Variants in CNTNAP2 observed in about 807,000 individuals in gnomAD.
The protein encoded by CNTNAP2 is contactin-associated protein-like 2.
Under a neutral mutation model 155.2 loss-of-function variants are expected in CNTNAP2, and 98 were observed. The observed-to-expected ratio is 0.63, with a 90% CI of 0.54 to 0.75. CNTNAP2 has a LOEUF of 0.75. CNTNAP2 is among the 30% of genes least tolerant of loss of function. CNTNAP2 has a pLI of 0.00. For missense variants in CNTNAP2, 1,727 were observed against 1,688.1 expected (o/e 1.02, Z -0.40); for synonymous variants, 651 against 631.2 (o/e 1.03, Z -0.47).
chr7:147,347,435 TATATGC>T (rs1184879354), intron 9 of CNTNAP2, among the ~76,000 whole-genome samples: 1,873 of 34,118 alleles, frequency 0.055, 24 homozygotes, highest in African/African-American at 0.075. Flanking sequence ...TATATATATA[TATATGC>T]ATATATATAT....
intron 4 of CNTNAP2, among the ~76,000 whole-genome samples, chr7:147,052,103 A>G (rs1046492537): frequency 6.6e-6 from 1 of 152,094 alleles, no homozygotes; most frequent in Non-Finnish European, 1.5e-5. Context: ...AATCTTTTTT[A>G]TCTTTCAAGA....
In CNTNAP2 at chr7:147,591,586, T is replaced by A. The variant is rs561476844; in HGVS notation, c.1897+29329T>A. ...TCCTCTGCTTTTATTGCTACCACCT[T>A]ACCATTTCCTTCCCTTTTTTATTTA... On this transcript the variant is annotated intron_variant, in intron 12 of 23. Transcript: ENST00000361727. Among the ~76,000 whole-genome samples, 40 of 152,306 alleles carry A rather than the reference T, an allele frequency of 2.6e-4. 1 individual carries two copies. The South Asian group carries it at 7.9e-3, about 30-fold the overall frequency.
rs565330938 is a variant in CNTNAP2 at position 148,018,295 on chromosome 7, G to A, written c.2383+40306G>A. On this transcript the variant is annotated intron_variant, in intron 15 of 23. Coordinates refer to ENST00000361727, the MANE Select transcript of CNTNAP2 (RefSeq NM_014141.6). ...ACTCTGTAAATATGGGCTGATAATA[G>A]TAATGGTCAAGCTCCCATAATTTCT... Among the ~76,000 whole-genome samples the A allele has an allele frequency of 2.0e-4, 30 of 152,262 alleles. No homozygotes were observed. In the South Asian group the frequency reaches 6.2e-3, roughly 32 times the overall value.
intron 1 of CNTNAP2, among the ~76,000 whole-genome samples, chr7:146,594,814 G>C (rs925680887): frequency 2.0e-5 from 3 of 151,930 alleles, no homozygotes; most frequent in African/African-American, 7.3e-5. Context: ...TTAATGACTG[G>C]CTCTCAAAAA....
In CNTNAP2 at chr7:148,147,582, G is replaced by A. The variant is rs1247068015; in HGVS notation, c.2646G>A (p.Trp882Ter). 30 of 1,614,086 alleles carry A rather than the reference G, an allele frequency of 1.9e-5. No individual in the cohort carries two copies. The highest frequency in any genetic ancestry group is 2.5e-5 in the Non-Finnish European group (30 of 1,180,024). Residue 882 changes from tryptophan to a stop codon, truncating the protein, a stop_gained, in exon 17 of 24, where the codon TGG (tryptophan) becomes TGA (stop). Coordinates refer to ENST00000361727, the MANE Select transcript of CNTNAP2 (RefSeq NM_014141.6). LOFTEE classifies it high-confidence loss of function. ...CAACCCCTCTCAACGATGACCAGTGGCACCGGGTCACTGCAGAGAGGAATG... is the reference window on the plus strand; with the variant it reads ...CAACCCCTCTCAACGATGACCAGTGACACCGGGTCACTGCAGAGAGGAATG... The part of the protein sequence containing the change: ...RSPTPLNDDQ[W>*]HRVTAERNVK...
intron 13 of CNTNAP2, among the ~76,000 whole-genome samples, chr7:147,665,234 A>G (rs1274145703): frequency 6.6e-6 from 1 of 152,162 alleles, no homozygotes; most frequent in African/African-American, 2.4e-5. Flanking sequence ...TATTAGATAT[A>G]CTGTTTTGTG....
At chr7:147,212,624 C>T (rs1803174320) in intron 8 of CNTNAP2, among the ~76,000 whole-genome samples, 1 of 152,024 alleles carries the variant, frequency 6.6e-6, no homozygotes, top group Non-Finnish European at 1.5e-5. Flanking sequence ...TGAAAAGCTG[C>T]CTATTCAGTA....
At chr7:147,046,901 G>A (rs948085339) in intron 4 of CNTNAP2, among the ~76,000 whole-genome samples, 14 of 150,818 alleles carry the variant, frequency 9.3e-5, no homozygotes, top group Admixed American at 4.0e-4. Flanking sequence ...GCATTGTGGC[G>A]GGCGCCTGTA....
At chr7:148,295,107 T>G (rs1251676961) in intron 21 of CNTNAP2, among the ~76,000 whole-genome samples, 1 of 152,194 alleles carries the variant, frequency 6.6e-6, no homozygotes, top group Non-Finnish European at 1.5e-5. Context: ...TAAAAATCCA[T>G]TACCTTTTCA....
intron 21 of CNTNAP2, among the ~76,000 whole-genome samples, chr7:148,284,308 C>A (rs1797043756): frequency 6.6e-6 from 1 of 152,054 alleles, no homozygotes; most frequent in Non-Finnish European, 1.5e-5. Flanking sequence ...GTGAAGAAGT[C>A]TCATGAGATC....
chr7:146,456,319 CACA>C lies in CNTNAP2; in HGVS notation c.98-317947_98-317945del, dbSNP rs533008030. The stretch of plus-strand genomic sequence containing the variant: ...AAAAAGCAACAGCAGACTAGCAAAT[CACA>C]ACAAGATTTCCGGGTCAGTCTGCTG... On this transcript the variant is annotated intron_variant, in intron 1 of 23. Transcript: ENST00000361727. Among the ~76,000 whole-genome samples the C allele has an allele frequency of 6.2e-3, 942 of 152,216 alleles. 4 individuals are homozygous for C. Among genetic ancestry groups the C allele is most frequent in the Non-Finnish European group, 0.011 (735 of 67,994 alleles).
At chr7:147,414,636 C>A (rs1797157535) in intron 10 of CNTNAP2, among the ~76,000 whole-genome samples, 1 of 151,744 alleles carries the variant, frequency 6.6e-6, no homozygotes, top group African/African-American at 2.4e-5. Flanking sequence ...CAATAAAATT[C>A]AAATGAATTT....
At chr7:147,427,349 A>G (rs1357207709) in intron 10 of CNTNAP2, among the ~76,000 whole-genome samples, 1 of 152,140 alleles carries the variant, frequency 6.6e-6, no homozygotes, top group East Asian at 1.9e-4. Context: ...AATCAGTCTT[A>G]CCTGGAAGTA....
intron 22 of CNTNAP2, among the ~76,000 whole-genome samples, chr7:148,397,661 A>AT (rs575752774): frequency 5.5e-4 from 84 of 152,282 alleles, no homozygotes; most frequent in Non-Finnish European, 1.0e-3. Flanking sequence ...CCAATTAAAT[A>AT]TTTTTTCACA....
chr7:146,525,012 A>G (rs1481079075), intron 1 of CNTNAP2, among the ~76,000 whole-genome samples: 1 of 152,128 alleles, frequency 6.6e-6, no homozygotes, highest in African/African-American at 2.4e-5. Flanking sequence ...GGGAAAAGCA[A>G]AGTAACTTTT....
chr7:147,723,553 G>A (rs977816631), intron 13 of CNTNAP2, among the ~76,000 whole-genome samples: 1 of 151,634 alleles, frequency 6.6e-6, no homozygotes, highest in Non-Finnish European at 1.5e-5. Context: ...TTTTGGCCCT[G>A]TAATGATAGA....
At chr7:146,355,804 AG>A (rs546934064) in intron 1 of CNTNAP2, among the ~76,000 whole-genome samples, 125 of 152,270 alleles carry the variant, frequency 8.2e-4, no homozygotes, top group Non-Finnish European at 1.5e-3. Flanking sequence ...AGTGACTAAA[AG>A]AGAGAAATGT....
chr7:146,668,514 GA>G (rs1471056921), intron 1 of CNTNAP2, among the ~76,000 whole-genome samples: 1 of 151,616 alleles, frequency 6.6e-6, no homozygotes, highest in Non-Finnish European at 1.5e-5. Context: ...TGGGCTTGCA[GA>G]ATGAGTTTGG....
intron 13 of CNTNAP2, among the ~76,000 whole-genome samples, chr7:147,656,603 A>G (rs532586685): frequency 1.3e-5 from 2 of 152,332 alleles, no homozygotes; most frequent in East Asian, 3.9e-4. Flanking sequence ...GTCATCTTCT[A>G]TGGGCACAGT....
Sources: gnomAD v4.1 joint callset for allele counts (sites outside exome capture counted in the v4.1 genomes callset) on GRCh38, gnomAD v4.1.1 for gene constraint, MANE v1.5 for transcripts, NCBI Gene and HGNC (gene_info 2026-07-23, HGNC 2026-07-21) for gene names.